MARCHF1: variants seen among roughly 807,000 people sequenced by gnomAD.
The protein encoded by MARCHF1 is E3 ubiquitin-protein ligase MARCHF1.
Under a neutral mutation model 54.2 loss-of-function variants are expected in MARCHF1, and 40 were observed. That is an observed-to-expected ratio of 0.74 (90% CI 0.57 to 0.96). The LOEUF (loss-of-function observed/expected upper bound fraction) is 0.96. Ranked by LOEUF, MARCHF1 falls within the 40% of genes least tolerant of loss-of-function variation. The pLI is 0.00. For synonymous variants in MARCHF1, 236 were observed against 236.3 expected (o/e 1.00, Z 0.01); for missense variants, 586 against 656.5 (o/e 0.89, Z 1.17).
chr4:163,614,048 C>T (rs945755578), intron 5 of MARCHF1, among the ~76,000 whole-genome samples: 1 of 152,002 alleles, frequency 6.6e-6, no homozygotes, highest in Non-Finnish European at 1.5e-5. Flanking sequence ...CACTAAAGTC[C>T]TACCTTTGAA....
chr4:163,776,579 C>T (rs1401370375), intron 4 of MARCHF1, among the ~76,000 whole-genome samples: 1 of 151,958 alleles, frequency 6.6e-6, no homozygotes, highest in African/African-American at 2.4e-5. Flanking sequence ...TGGTTGGTCT[C>T]ATGTTTTGAT....
intron 1 of MARCHF1, among the ~76,000 whole-genome samples, chr4:164,133,694 A>G (rs868775456): frequency 6.6e-6 from 1 of 152,354 alleles, no homozygotes; most frequent in South Asian, 2.1e-4. Context: ...ATAGAAACAT[A>G]GCCCAAAAAA....
chr4:163,635,886 C>G (rs1286618887), intron 5 of MARCHF1, among the ~76,000 whole-genome samples: 2 of 152,154 alleles, frequency 1.3e-5, no homozygotes, highest in Admixed American at 6.5e-5. Flanking sequence ...CATCAAAAAG[C>G]TTATCCACCA....
At chr4:163,667,815 T>G (rs1416703790) in intron 5 of MARCHF1, among the ~76,000 whole-genome samples, 1 of 151,998 alleles carries the variant, frequency 6.6e-6, no homozygotes, top group Non-Finnish European at 1.5e-5. Flanking sequence ...TTAGTAGAGA[T>G]GGGGTTTCAC....
intron 1 of MARCHF1, among the ~76,000 whole-genome samples, chr4:164,287,497 T>C (rs950613661): frequency 6.6e-6 from 1 of 152,186 alleles, no homozygotes; most frequent in African/African-American, 2.4e-5. Flanking sequence ...AGGCATTCCT[T>C]ACAATCACTA....
At chr4:163,930,564 A>G (rs1359415514) in intron 3 of MARCHF1, among the ~76,000 whole-genome samples, 1 of 150,654 alleles carries the variant, frequency 6.6e-6, no homozygotes, top group Non-Finnish European at 1.5e-5. Context: ...GTCAAACTTC[A>G]TTCTAAACAT....
intron 2 of MARCHF1, among the ~76,000 whole-genome samples, chr4:164,007,630 T>TTCTCTC (rs373682455): frequency 6.5e-5 from 9 of 139,380 alleles, no homozygotes; most frequent in South Asian, 5.0e-4. Context: ...TAGAATTTAT[T>TTCTCTC]TCTCTCTCTC....
At chr4:164,125,769 C>T (rs1756166630) in intron 1 of MARCHF1, among the ~76,000 whole-genome samples, 1 of 152,180 alleles carries the variant, frequency 6.6e-6, no homozygotes. Flanking sequence ...TGAGCTCCGC[C>T]TCCTGTCAGA....
At chr4:163,735,017 T>C (rs1745992489) in intron 4 of MARCHF1, among the ~76,000 whole-genome samples, 1 of 152,186 alleles carries the variant, frequency 6.6e-6, no homozygotes, top group Non-Finnish European at 1.5e-5. Context: ...TCATCTAGTC[T>C]TCCTTTTGAC....
intron 4 of MARCHF1, among the ~76,000 whole-genome samples, chr4:163,709,676 A>C (rs555507766): frequency 6.6e-6 from 1 of 152,326 alleles, no homozygotes; most frequent in Non-Finnish European, 1.5e-5. Flanking sequence ...TTATTTATTC[A>C]GTCAAGTGGG....
chr4:164,026,624 A>C (rs148371477), intron 2 of MARCHF1, among the ~76,000 whole-genome samples: 175 of 152,292 alleles, frequency 1.1e-3, no homozygotes, highest in African/African-American at 4.1e-3. Context: ...ACCAACAGCC[A>C]ATCTCATACT....
chr4:163,849,735 T>C (rs72997259), intron 4 of MARCHF1, among the ~76,000 whole-genome samples: 1,665 of 152,278 alleles, frequency 0.011, 36 homozygotes, highest in African/African-American at 0.036. Flanking sequence ...GCCATATTTA[T>C]AATATAATAG....
intron 2 of MARCHF1, among the ~76,000 whole-genome samples, chr4:164,046,132 C>T (rs891152654): frequency 3.9e-5 from 6 of 152,202 alleles, no homozygotes; most frequent in Admixed American, 2.6e-4. Context: ...GCTGTGCATG[C>T]AGTGGGTTGC....
intron 4 of MARCHF1, among the ~76,000 whole-genome samples, chr4:163,733,899 T>C (rs1347160429): frequency 6.6e-6 from 1 of 151,950 alleles, no homozygotes; most frequent in African/African-American, 2.4e-5. Context: ...TGTGTGCAAA[T>C]CACATATCAT....
intron 4 of MARCHF1, among the ~76,000 whole-genome samples, chr4:163,723,122 G>C (rs1321545338): frequency 6.6e-6 from 1 of 152,174 alleles, no homozygotes; most frequent in African/African-American, 2.4e-5. Context: ...CCTAGCCTCA[G>C]TGGTCTTTAC....
At chr4:163,734,618 C>G (rs1745980502) in intron 4 of MARCHF1, among the ~76,000 whole-genome samples, 1 of 150,470 alleles carries the variant, frequency 6.6e-6, no homozygotes. Flanking sequence ...AATTCTAGAA[C>G]AGTCAAACTA....
intron 9 of MARCHF1, among the ~76,000 whole-genome samples, chr4:163,542,346 G>A (rs1560931141): frequency 6.6e-6 from 1 of 152,220 alleles, no homozygotes; most frequent in Non-Finnish European, 1.5e-5. Context: ...GTTCAGCACC[G>A]GGGAGATGTA....
chr4:164,220,569 ATATG>A (rs1350487542), intron 1 of MARCHF1, among the ~76,000 whole-genome samples: 7 of 145,604 alleles, frequency 4.8e-5, no homozygotes, highest in Admixed American at 1.4e-4. Context: ...ATATATCTAT[ATATG>A]TAATACATAT....
intron 3 of MARCHF1, among the ~76,000 whole-genome samples, chr4:163,937,514 A>G (rs575576807): frequency 1.3e-5 from 2 of 151,470 alleles, no homozygotes; most frequent in South Asian, 4.2e-4. Context: ...AAATATAAAT[A>G]TATACATATA....
Sources: allele counts gnomAD v4.1 joint callset (sites outside exome capture counted in the v4.1 genomes callset), GRCh38; gene constraint gnomAD v4.1.1; transcripts MANE v1.5; gene names NCBI Gene and HGNC (gene_info 2026-07-23, HGNC 2026-07-21).